CFAP61: variants seen among roughly 807,000 people sequenced by gnomAD.
The protein encoded by CFAP61 is cilia- and flagella-associated protein 61.
CFAP61 carries 107 observed loss-of-function variants against 135.6 expected under a neutral mutation model. The ratio of observed to expected loss-of-function variants is 0.79; its 90% CI spans 0.67 to 0.93. CFAP61 has a LOEUF of 0.93. Ranked by LOEUF, CFAP61 falls within the 40% of genes least tolerant of loss-of-function variation. The pLI is 0.00. For missense variants in CFAP61, 1,507 were observed against 1,556.2 expected (o/e 0.97, Z 0.53); for synonymous variants, 575 against 578.5 (o/e 0.99, Z 0.09).
chr20:20,054,588 G>A lies in CFAP61; in HGVS notation c.-37+1997G>A, dbSNP rs188308159. Among the ~76,000 whole-genome samples, 583 of 152,258 alleles carry A rather than the reference G, an allele frequency of 3.8e-3. 4 individuals carry two copies. The highest frequency in any genetic ancestry group is 0.014 in the African/African-American group (563 of 41,546). On this transcript the variant is annotated intron_variant, in intron 1 of 26. Transcript: ENST00000245957. Reference sequence around the variant, plus strand: ...GAATACATTCATGCTCATTTGTGCCGATATTGTCTCTGGTTGTTACTGTGC... The same window carrying A: ...GAATACATTCATGCTCATTTGTGCCAATATTGTCTCTGGTTGTTACTGTGC...
intron 6 of CFAP61, among the ~76,000 whole-genome samples, chr20:20,083,872 A>AT: frequency 6.6e-6 from 1 of 152,342 alleles, no homozygotes; most frequent in South Asian, 2.1e-4. Context: ...ACCCTTCATA[A>AT]TTTTTAAAAT....
intron 25 of CFAP61, among the ~76,000 whole-genome samples, chr20:20,319,705 A>G (rs1413142470): frequency 2.0e-5 from 3 of 152,224 alleles, no homozygotes. Context: ...GTCTTTCTTT[A>G]TAGCAGTGCA....
intron 17 of CFAP61, chr20:20,200,801 G>GAC: frequency 1.0e-6 from 1 of 985,422 alleles, no homozygotes; most frequent in South Asian, 4.7e-5. Flanking sequence ...CTGCAGGAAG[G>GAC]ACATCACCCG....
chr20:20,074,468 G>T lies in CFAP61; in HGVS notation c.371+90G>T, dbSNP rs531744713. ...TTTTAAAAGACATGAAATTCTTTGGGGTGTTTAATTTGCTTGTAATTTGTG... is the reference window on the plus strand; with the variant it reads ...TTTTAAAAGACATGAAATTCTTTGGTGTGTTTAATTTGCTTGTAATTTGTG... On this transcript the variant is annotated intron_variant, in intron 4 of 26. Transcript: ENST00000245957. The T allele has an allele frequency of 7.9e-6, 9 of 1,140,906 alleles. No individual in the cohort carries two copies. In the African/African-American group the frequency reaches 1.1e-4, roughly 14 times the overall value. 70.7% of individuals were successfully genotyped at this position (1,140,906 alleles called of 1,614,324 possible).
intron 18 of CFAP61, among the ~76,000 whole-genome samples, chr20:20,235,280 CTCAGGAGCCTCTCAGTT>C (rs1264756864): frequency 6.6e-6 from 1 of 152,128 alleles, no homozygotes; most frequent in Non-Finnish European, 1.5e-5. Context: ...CTCCCAAACT[CTCAGGAGCCTCTCAGTT>C]TTCTCTCCTC....
rs373835229 is a variant in CFAP61 at position 20,136,803 on chromosome 20, T to C, written c.860-6054T>C. ...TCTGGTTGGATCTGATGCATGTGGATGTTTGTCAGTGTCTGGGCACTGAAG... is the reference window on the plus strand; with the variant it reads ...TCTGGTTGGATCTGATGCATGTGGACGTTTGTCAGTGTCTGGGCACTGAAG... On this transcript the variant is annotated intron_variant, in intron 8 of 26. Coordinates refer to ENST00000245957, the MANE Select transcript of CFAP61 (RefSeq NM_015585.4). Among the ~76,000 whole-genome samples the C allele has an allele frequency of 9.2e-4, 140 of 152,330 alleles. No homozygotes were observed. The Middle Eastern group carries it at 0.01, about 11-fold the overall frequency.
intron 2 of CFAP61, among the ~76,000 whole-genome samples, 189 bp from the exon 3 acceptor site, chr20:20,070,665 G>A (rs546213927): frequency 6.6e-6 from 1 of 152,146 alleles, no homozygotes; most frequent in Admixed American, 6.5e-5. Context: ...TACAAGTTTA[G>A]TTGACAGCAC....
chr20:20,119,647 T>G (rs1208166781), intron 8 of CFAP61, among the ~76,000 whole-genome samples: 1 of 152,208 alleles, frequency 6.6e-6, no homozygotes, highest in Non-Finnish European at 1.5e-5. Context: ...ATGATTTTTT[T>G]TTAAACTTTT....
At chr20:20,196,242 C>T (rs1352070610) in intron 15 of CFAP61, among the ~76,000 whole-genome samples, 1 of 152,194 alleles carries the variant, frequency 6.6e-6, no homozygotes, top group African/African-American at 2.4e-5. Context: ...CTCACATCGC[C>T]TGGCAGTGTC....
At chr20:20,190,948 A>G (rs1427365295) in intron 14 of CFAP61, among the ~76,000 whole-genome samples, 1 of 152,004 alleles carries the variant, frequency 6.6e-6, no homozygotes. Context: ...GTGTAACCTC[A>G]TCTCTACTAA....
chr20:20,185,565 A>G (rs578227078), intron 13 of CFAP61, among the ~76,000 whole-genome samples: 3 of 152,340 alleles, frequency 2.0e-5, no homozygotes, highest in African/African-American at 7.2e-5. Flanking sequence ...CTAAGACAGG[A>G]AAGACAGCTG....
At chr20:20,085,087 T>C in intron 6 of CFAP61, 1 of 985,250 alleles carries the variant, frequency 1.0e-6, no homozygotes, top group South Asian at 4.7e-5. Flanking sequence ...ATTGTACTAT[T>C]TCCGTTGCAC....
chr20:20,199,956 G>A (rs1024589462), intron 17 of CFAP61, 54 bp downstream of exon 17: 2 of 1,596,642 alleles, frequency 1.3e-6, no homozygotes, highest in African/African-American at 1.3e-5. Context: ...CGCGGGCCTG[G>A]CAGATGGGGT....
intron 2 of CFAP61, chr20:20,069,884 C>T (rs1261425412): frequency 2.8e-6 from 1 of 361,314 alleles, no homozygotes; most frequent in African/African-American, 2.1e-5. Context: ...TTCCTGTTCT[C>T]CTCAAGAAGG....
intron 8 of CFAP61, among the ~76,000 whole-genome samples, chr20:20,122,026 T>G (rs1256762411): frequency 3.3e-5 from 5 of 152,076 alleles, no homozygotes; most frequent in Non-Finnish European, 5.9e-5. Context: ...AGTGGTGATT[T>G]GTGAGATTTT....
intron 25 of CFAP61, among the ~76,000 whole-genome samples, chr20:20,306,894 A>C (rs1426525556): frequency 6.6e-6 from 1 of 152,230 alleles, no homozygotes; most frequent in Admixed American, 6.5e-5. Flanking sequence ...ACCGTGCTGA[A>C]ATGTGAACCG....
intron 9 of CFAP61, among the ~76,000 whole-genome samples, chr20:20,152,639 A>G (rs556924181): frequency 3.3e-5 from 5 of 152,322 alleles, no homozygotes; most frequent in African/African-American, 1.2e-4. Flanking sequence ...TTATAAAATG[A>G]TTTTTAAAAA....
chr20:20,210,448 C>T (rs2047549833), intron 17 of CFAP61, among the ~76,000 whole-genome samples: 1 of 152,252 alleles, frequency 6.6e-6, no homozygotes, highest in African/African-American at 2.4e-5. Flanking sequence ...GGAAACAAAA[C>T]AGCACAGAAT....
At chr20:20,075,898 A>C (rs6046594) in intron 6 of CFAP61, among the ~76,000 whole-genome samples, 14,515 of 152,166 alleles carry the variant, frequency 0.095, 770 homozygotes, top group Middle Eastern at 0.17. Context: ...CCAGTAAGAT[A>C]ACTTTCAAAT....
Sources: gnomAD v4.1 joint callset for allele counts (sites outside exome capture counted in the v4.1 genomes callset) on GRCh38, gnomAD v4.1.1 for gene constraint, MANE v1.5 for transcripts, NCBI Gene and HGNC (gene_info 2026-07-23, HGNC 2026-07-21) for gene names.